ZNF106: variants seen among roughly 807,000 people sequenced by gnomAD.
The protein encoded by ZNF106 is SH3-domain binding protein 3.
A neutral mutation model predicts 195.1 loss-of-function variants in ZNF106; 67 were observed. That is an observed-to-expected ratio of 0.34 (90% CI 0.28 to 0.42). The LOEUF (loss-of-function observed/expected upper bound fraction) is 0.42, where lower values mean the gene tolerates loss of function less well. ZNF106 is among the 10% of genes least tolerant of loss of function. The pLI is 1.00. For missense variants in ZNF106, 2,118 were observed against 2,304.5 expected (o/e 0.92, Z 1.66); for synonymous variants, 784 against 818.6 (o/e 0.96, Z 0.72).
At chr15:42,440,379 C>T (rs1436899678) in intron 10 of ZNF106, among the ~76,000 whole-genome samples, 2 of 151,998 alleles carry the variant, frequency 1.3e-5, no homozygotes, top group Non-Finnish European at 1.5e-5. Context: ...ACTAAATATT[C>T]AAAAAAGATT....
intron 20 of ZNF106, among the ~76,000 whole-genome samples, chr15:42,420,026 A>AT (rs2054602621): frequency 6.6e-6 from 1 of 152,182 alleles, no homozygotes; most frequent in African/African-American, 2.4e-5. Flanking sequence ...CCTTCTCTCT[A>AT]TAAAGCCAGA....
intron 14 of ZNF106, among the ~76,000 whole-genome samples, chr15:42,433,550 T>C (rs1343751302): frequency 6.6e-6 from 1 of 150,928 alleles, no homozygotes; most frequent in African/African-American, 2.4e-5. Context: ...TGGCATGATC[T>C]TGGCTCACTG....
intron 1 of ZNF106, among the ~76,000 whole-genome samples, chr15:42,478,513 T>C (rs1455249680): frequency 1.2e-3 from 1 of 844 alleles, no homozygotes; most frequent in Non-Finnish European, 4.1e-3. Flanking sequence ...CCTCTTTTTC[T>C]TTTTTTTTTT....
rs1397850024 is a variant in ZNF106, at chr15:42,450,797, G to A, written c.1475C>T (p.Pro492Leu). ...ATKSLSQKQD[P>L]KNISKNTKTN... ...TTTGGTGTTTTTTGAGATATTCTTTGGATCTTGCTTTTGAGACAATGATTT... is the reference window on the plus strand; with the variant it reads ...TTTGGTGTTTTTTGAGATATTCTTTAGATCTTGCTTTTGAGACAATGATTT... The change falls in exon 5 of 22, where the codon CCA (proline) becomes CTA (leucine). Residue 492 changes from proline (P) to leucine (L), a missense_variant. By Grantham distance (98) the Pro-to-Leu change is moderately conservative. Transcript: ENST00000564754. 6.2e-7 allele frequency: 1 copy of A among 1,614,184 alleles called. No individual in the cohort carries two copies. The highest frequency in any genetic ancestry group is 8.5e-7 in the Non-Finnish European group (1 of 1,180,032).
At chr15:42,427,836 C>A (rs1223000025) in intron 15 of ZNF106, 182 bp downstream of exon 15, 2 of 471,740 alleles carry the variant, frequency 4.2e-6, no homozygotes, top group African/African-American at 3.8e-5. Flanking sequence ...TGAGTAGAAG[C>A]AGAGAGAATG....
At chr15:42,454,975 T>G (rs2056180076) in intron 4 of ZNF106, among the ~76,000 whole-genome samples, 1 of 152,102 alleles carries the variant, frequency 6.6e-6, no homozygotes, top group Non-Finnish European at 1.5e-5. Flanking sequence ...AAATAGTAAC[T>G]ATGATACAAA....
In ZNF106 at chr15:42,448,191, T is replaced by C; in HGVS notation, c.3016A>G (p.Ser1006Gly). 1.9e-6 allele frequency: 3 copies of C among 1,614,214 alleles called. No homozygotes were observed. The highest frequency in any genetic ancestry group is 2.5e-6 in the Non-Finnish European group (3 of 1,180,026). Reference sequence around the variant, plus strand: ...GAGATCGCAAGGGCTGAGGATGCGCTTGATGACAGACAGTTTCCCTCTCCA... The same window carrying C: ...GAGATCGCAAGGGCTGAGGATGCGCCTGATGACAGACAGTTTCCCTCTCCA... Reference protein sequence around the residue: ...SNGEGNCLSSSASSALAISSL... With the variant: ...SNGEGNCLSSGASSALAISSL... Residue 1006 changes from serine to glycine, a missense_variant, in exon 6 of 22, where the codon AGC becomes GGC. Ser to Gly is a moderately conservative substitution (Grantham distance 56). Coordinates refer to ENST00000564754, the MANE Select transcript of ZNF106 (RefSeq NM_001366845.3).
intron 14 of ZNF106, among the ~76,000 whole-genome samples, chr15:42,429,708 T>G (rs1039191593): frequency 6.6e-6 from 1 of 151,984 alleles, no homozygotes; most frequent in Non-Finnish European, 1.5e-5. Flanking sequence ...AGACAGTAAA[T>G]ATGCCTAAAT....
chr15:42,423,377 A>C (rs957412310), intron 17 of ZNF106, among the ~76,000 whole-genome samples: 9 of 151,508 alleles, frequency 5.9e-5, no homozygotes, highest in Non-Finnish European at 1.0e-4. Flanking sequence ...TCTCAAAAAA[A>C]AAAAAGAAAG....
At chr15:42,421,643 T>A (rs1333335408) in intron 19 of ZNF106, among the ~76,000 whole-genome samples, 1 of 152,244 alleles carries the variant, frequency 6.6e-6, no homozygotes, top group Non-Finnish European at 1.5e-5. Context: ...AGATCATGTC[T>A]CTGGAAAAGG....
At chr15:42,475,537 C>T (rs1198639674) in intron 1 of ZNF106, among the ~76,000 whole-genome samples, 3 of 152,046 alleles carry the variant, frequency 2.0e-5, no homozygotes, top group African/African-American at 7.3e-5. Context: ...AATTAGCTAC[C>T]AAAACAAAGA....
chr15:42,483,820 C>T (rs1421732018), intron 1 of ZNF106, among the ~76,000 whole-genome samples: 1 of 152,122 alleles, frequency 6.6e-6, no homozygotes, highest in African/African-American at 2.4e-5. Context: ...ATGCTGGTCC[C>T]TCTCCCTGGA....
intron 14 of ZNF106, among the ~76,000 whole-genome samples, chr15:42,428,982 G>T (rs976632020): frequency 4.6e-5 from 7 of 151,200 alleles, no homozygotes; most frequent in Non-Finnish European, 8.8e-5. Flanking sequence ...AGCCAGGATG[G>T]TCTCGATCTC....
At chr15:42,452,681 CTTTTTT>C (rs1322441388) in intron 4 of ZNF106, among the ~76,000 whole-genome samples, 4 of 101,900 alleles carry the variant, frequency 3.9e-5, no homozygotes, top group African/African-American at 1.6e-4. Context: ...CTATAGTTAT[CTTTTTT>C]TTTTTTTTTT....
Position 42,453,596 on chromosome 15 carries a change from A to AT in ZNF106, c.318-1643dup, listed in dbSNP as rs781562351. Among the ~76,000 whole-genome samples, 1,089 of 139,778 alleles carry AT rather than the reference A, an allele frequency of 7.8e-3. 7 individuals carry two copies. Among genetic ancestry groups the AT allele is most frequent in the Non-Finnish European group, 9.4e-3 (595 of 63,536 alleles). 91.7% of individuals were successfully genotyped at this position (139,778 alleles called of 152,430 possible). On this transcript the variant is annotated intron_variant, in intron 4 of 21. Coordinates refer to ENST00000564754, the MANE Select transcript of ZNF106 (RefSeq NM_001366845.3). ...TAGTTTTTATAATCCTGAGGCAAGT[A>AT]TTTTTTTTTTTTTTTTGGAGATGGA...
chr15:42,448,005 CT>C, intron 6 of ZNF106, 66 bp downstream of exon 6: 1 of 1,508,972 alleles, frequency 6.6e-7, no homozygotes, highest in Non-Finnish European at 8.9e-7. Context: ...ACAGTTGAAC[CT>C]TTTTTCATAA....
Position 42,439,057 on chromosome 15 carries a change from C to T in ZNF106, c.4520G>A (p.Arg1507His), listed in dbSNP as rs773812298. ...EVSSTSEIGTRYKDGIPVSVA... is the reference protein window; with the variant it reads ...EVSSTSEIGTHYKDGIPVSVA... ...CCTTACAGGGATGCCATCTTTATAGCGAGTGCCAATTTCACTGGTAGAGCT... is the reference window on the plus strand; with the variant it reads ...CCTTACAGGGATGCCATCTTTATAGTGAGTGCCAATTTCACTGGTAGAGCT... The change falls in exon 11 of 22, where the codon CGC becomes CAC. Residue 1507 changes from arginine to histidine, a missense_variant. Transcript: ENST00000564754. The T allele has an allele frequency of 1.2e-5, 20 of 1,613,446 alleles. No individual in the cohort carries two copies. Among genetic ancestry groups the T allele is most frequent in the South Asian group, 6.6e-5 (6 of 91,008 alleles).
In ZNF106 at chr15:42,448,171, C is replaced by A. The variant is rs3742996; in HGVS notation, c.3036G>T (p.Ala1012=). Residue 1012 remains alanine, a synonymous_variant, in exon 6 of 22, where the codon GCG becomes GCT. Transcript: ENST00000564754. ...CLSSSASSAL[A]ISSLADAATD... is the part of the protein sequence containing the mutation. Reference sequence around the variant, plus strand: ...TGGCTGCATCCGCTAAACTGGAGATCGCAAGGGCTGAGGATGCGCTTGATG... The same window carrying A: ...TGGCTGCATCCGCTAAACTGGAGATAGCAAGGGCTGAGGATGCGCTTGATG... 1 of 1,613,934 alleles carries A rather than the reference C, an allele frequency of 6.2e-7. No individual in the cohort carries two copies. Among genetic ancestry groups the A allele is most frequent in the African/African-American group, 1.3e-5 (1 of 74,840 alleles).
rs529276844 is a variant in ZNF106 at position 42,442,417 on chromosome 15, A to G, written c.3422-3T>C. 1 of 1,600,528 alleles carries G rather than the reference A, an allele frequency of 6.2e-7. No homozygotes were observed. Among genetic ancestry groups the G allele is most frequent in the East Asian group, 2.2e-5 (1 of 44,662 alleles). On this transcript the variant is annotated splice_polypyrimidine_tract_variant and splice_region_variant and intron_variant, in intron 9 of 21. Transcript: ENST00000564754. ...GTGCTCAGAAGGTTCATATGTTTCTAGAATGGGAAACATACATACATAGAA... is the reference window on the plus strand; with the variant it reads ...GTGCTCAGAAGGTTCATATGTTTCTGGAATGGGAAACATACATACATAGAA...
Sources: gnomAD v4.1 joint callset for allele counts (sites outside exome capture counted in the v4.1 genomes callset) on GRCh38, gnomAD v4.1.1 for gene constraint, MANE v1.5 for transcripts, NCBI Gene and HGNC (gene_info 2026-07-23, HGNC 2026-07-21) for gene names.